KCNK5: variants seen among roughly 807,000 people sequenced by gnomAD.
KCNK5 encodes the protein potassium channel subfamily K member 5.
Under a neutral mutation model 32.9 loss-of-function variants are expected in KCNK5, and 18 were observed. The observed-to-expected ratio is 0.55, with a 90% CI of 0.38 to 0.81. The LOEUF (loss-of-function observed/expected upper bound fraction) is 0.81. Among genes scored for constraint, KCNK5 ranks in the 30% least tolerant of loss-of-function variants. The pLI is 0.00. For synonymous variants in KCNK5, 276 were observed against 275.3 expected, an observed-to-expected ratio of 1.00 and a Z score of -0.03; for missense variants, 507 against 651.0, an observed-to-expected ratio of 0.78 and a Z score of 2.41.
Position 39,194,342 on chromosome 6 carries a change from T to C in KCNK5, c.466-5A>G. On this transcript the variant is annotated splice_region_variant and splice_polypyrimidine_tract_variant and intron_variant, in intron 3 of 4. Transcript: ENST00000359534. This position sits in a 1 kb window ranked among gnomAD's most constrained non-coding sequence, Gnocchi z 4.7. ...GCACGTGATCTGCGCCTTCCGCTGATGGGGAGCAGGAGGCCAAGTCAGAGA... is the reference window on the plus strand; with the variant it reads ...GCACGTGATCTGCGCCTTCCGCTGACGGGGAGCAGGAGGCCAAGTCAGAGA... 1 of 1,596,370 alleles carries C rather than the reference T, an allele frequency of 6.3e-7. No homozygotes were observed.
intron 1 of KCNK5, among the ~76,000 whole-genome samples, chr6:39,220,669 G>A (rs1771529740): frequency 6.6e-6 from 1 of 152,174 alleles, no homozygotes; most frequent in Admixed American, 6.5e-5. Flanking sequence ...GACTCCAGTA[G>A]GAGAAACTTG....
chr6:39,191,533 T>C lies in KCNK5; in HGVS notation c.857A>G (p.Lys286Arg), dbSNP rs1337598125. ...ALQVKGSTAS[K>R]DVNIFSFLSK... ...AAGAAAGCTGAAGATGTTGACGTCC[T>C]TGGAGGCTGTGCTCCCCTTCACCTG... The change falls in exon 5 of 5, where the codon AAG becomes AGG. Residue 286 changes from lysine to arginine, a missense_variant. Around this residue, in one of 6 missense-constraint regions of KCNK5, gnomAD observed 42 missense variants for 35.3 expected, o/e 1.19. Coordinates refer to ENST00000359534, the MANE Select transcript of KCNK5 (RefSeq NM_003740.4). The surrounding 1 kb of genome is among the most constrained non-coding windows in gnomAD (Gnocchi z 5.8). The C allele has an allele frequency of 6.2e-7, 1 of 1,613,988 alleles. No homozygotes were observed. Among genetic ancestry groups the C allele is most frequent in the Non-Finnish European group, 8.5e-7 (1 of 1,180,028 alleles).
intron 1 of KCNK5, among the ~76,000 whole-genome samples, chr6:39,198,839 A>T (rs1414026256): frequency 6.6e-6 from 1 of 152,196 alleles, no homozygotes; most frequent in African/African-American, 2.4e-5. Flanking sequence ...TTGGATAATG[A>T]GTCTACAAAG....
intron 1 of KCNK5, among the ~76,000 whole-genome samples, chr6:39,223,953 C>A (rs773133717): frequency 3.3e-5 from 5 of 152,170 alleles, no homozygotes; most frequent in Non-Finnish European, 5.9e-5. Context: ...TTTCTACCCT[C>A]AATAATTCTC....
At chr6:39,213,975 G>A (rs1329311136) in intron 1 of KCNK5, among the ~76,000 whole-genome samples, 2 of 151,860 alleles carry the variant, frequency 1.3e-5, no homozygotes, top group African/African-American at 4.8e-5. Flanking sequence ...GCAGTGAGCC[G>A]AGATCGCACC....
chr6:39,216,981 T>C (rs1319990500), intron 1 of KCNK5, among the ~76,000 whole-genome samples: 1 of 150,562 alleles, frequency 6.6e-6, no homozygotes, highest in Non-Finnish European at 1.5e-5. Flanking sequence ...CTTAGCTGGG[T>C]GTGGTGGCAC....
Position 39,229,055 on chromosome 6 carries a change from C to G in KCNK5, c.57G>C (p.Gly19=), listed in dbSNP as rs546606815. ...CCTCCAGCACTTCGAAGATCGCCGC[C>G]CCGATGGCCAGGTAGAAGATGATGG... The part of the protein sequence containing the change: ...TSAIIFYLAI[G]AAIFEVLEEP... The change falls in exon 1 of 5, where the codon GGG becomes GGC. Residue 19 remains glycine, a synonymous_variant. Coordinates refer to ENST00000359534, the MANE Select transcript of KCNK5 (RefSeq NM_003740.4). 5 of 1,614,162 alleles carry G rather than the reference C, an allele frequency of 3.1e-6. No homozygotes were observed. The South Asian group carries it at 5.5e-5, about 18-fold the overall frequency.
At position 39,191,558 on chromosome 6, in the gene KCNK5, G is replaced by T; in HGVS notation, c.832C>A (p.Gln278Lys). 2 of 1,613,990 alleles carry T rather than the reference G, an allele frequency of 1.2e-6. No homozygotes were observed. The highest frequency in any genetic ancestry group is 1.3e-5 in the African/African-American group (1 of 75,018). Residue 278 changes from glutamine (Q) to lysine (K), a missense_variant, in exon 5 of 5, where the codon CAG becomes AAG. Physicochemically the swap from Gln to Lys is moderately conservative, Grantham distance 53 (BLOSUM62 1). This residue lies in a region of KCNK5 where 42 missense variants were observed against 35.3 expected (regional missense o/e 1.19). Transcript: ENST00000359534. This position sits in a 1 kb window ranked among gnomAD's most constrained non-coding sequence, Gnocchi z 5.8. The stretch of plus-strand genomic sequence containing the variant: ...TTGGAGGCTGTGCTCCCCTTCACCT[G>T]CAGGGCCTTCCGGGAGTGTGGGGAG... ...ESSPHSRKAL[Q>K]VKGSTASKDV...
At position 39,194,107 on chromosome 6, in the gene KCNK5, G is replaced by A. The variant is rs1444698397; in HGVS notation, c.634+62C>T. On this transcript the variant is annotated intron_variant, in intron 4 of 4. Transcript: ENST00000359534. This position sits in a 1 kb window ranked among gnomAD's most constrained non-coding sequence, Gnocchi z 4.7. ...CCCTACCTAGGGCACCCCCAACATA[G>A]GTCTGTTGCACTGAAACCAAAGAAG... is the stretch of plus-strand genomic sequence containing the variant. 15 of 1,581,008 alleles carry A rather than the reference G, an allele frequency of 9.5e-6. No homozygotes were observed. Among genetic ancestry groups the A allele is most frequent in the Non-Finnish European group, 1.2e-5 (14 of 1,150,642 alleles).
intron 1 of KCNK5, among the ~76,000 whole-genome samples, chr6:39,204,494 T>A (rs2113786468): frequency 6.6e-6 from 1 of 152,296 alleles, no homozygotes; most frequent in Admixed American, 6.5e-5. Flanking sequence ...AGGACTTAGC[T>A]CATCAGTCAC....
At chr6:39,193,479 C>T (rs1770976690) in intron 4 of KCNK5, among the ~76,000 whole-genome samples, 1 of 152,216 alleles carries the variant, frequency 6.6e-6, no homozygotes, top group African/African-American at 2.4e-5. Flanking sequence ...GGTGGGTCAA[C>T]AGGGTCAAAC....
chr6:39,228,469 A>G (rs1238345327), intron 1 of KCNK5, among the ~76,000 whole-genome samples: 1 of 152,146 alleles, frequency 6.6e-6, no homozygotes, highest in Non-Finnish European at 1.5e-5. Context: ...TGCCGGGTTC[A>G]CGTTCCTTAA....
chr6:39,200,642 C>T (rs1771120065), intron 1 of KCNK5, among the ~76,000 whole-genome samples: 1 of 152,146 alleles, frequency 6.6e-6, no homozygotes, highest in Non-Finnish European at 1.5e-5. Context: ...TTCCCACCAG[C>T]TGAAAAAACA....
chr6:39,220,961 C>A (rs1446338762), intron 1 of KCNK5, among the ~76,000 whole-genome samples: 1 of 152,228 alleles, frequency 6.6e-6, no homozygotes, highest in Non-Finnish European at 1.5e-5. Context: ...TAGCCCCATG[C>A]ACCCTAAGAC....
chr6:39,219,474 A>T (rs1172055590), intron 1 of KCNK5, among the ~76,000 whole-genome samples: 1 of 152,124 alleles, frequency 6.6e-6, no homozygotes, highest in Non-Finnish European at 1.5e-5. Flanking sequence ...CCCAGGTGTG[A>T]CTTGAATACC....
chr6:39,214,088 C>T (rs1771388783), intron 1 of KCNK5, among the ~76,000 whole-genome samples: 2 of 152,190 alleles, frequency 1.3e-5, no homozygotes, highest in South Asian at 2.1e-4. Context: ...GAGGGTTTGA[C>T]CATATGCAGC....
chr6:39,229,164 C>T lies in KCNK5; in HGVS notation c.-53G>A, dbSNP rs569691647. 7.5e-5 allele frequency: 119 copies of T among 1,576,676 alleles called. 1 individual carries two copies. In the South Asian group the frequency reaches 1.2e-3, roughly 16 times the overall value. On this transcript the variant is annotated 5_prime_UTR_variant, in exon 1 of 5. The change creates a premature stop within an existing upstream ORF in the 5' untranslated region. Transcript: ENST00000359534. Reference sequence around the variant, plus strand: ...AAGCCTCTCCTAGCCCCAGCTGCTACCAGTCCGCCCGCCCTCCAGCCTCTG... The same window carrying T: ...AAGCCTCTCCTAGCCCCAGCTGCTATCAGTCCGCCCGCCCTCCAGCCTCTG...
At position 39,229,175 on chromosome 6, in the gene KCNK5, G is replaced by A; in HGVS notation, c.-64C>T. ...AGCCCCAGCTGCTACCAGTCCGCCCGCCCTCCAGCCTCTGAAAACAGCTGT... is the reference window on the plus strand; with the variant it reads ...AGCCCCAGCTGCTACCAGTCCGCCCACCCTCCAGCCTCTGAAAACAGCTGT... On this transcript the variant is annotated 5_prime_UTR_variant, in exon 1 of 5. Coordinates refer to ENST00000359534, the MANE Select transcript of KCNK5 (RefSeq NM_003740.4). The A allele has an allele frequency of 6.5e-6, 10 of 1,530,868 alleles. No homozygotes were observed. Among genetic ancestry groups the A allele is most frequent in the South Asian group, 1.1e-5 (1 of 87,442 alleles). The allele number at this position is 1,530,868 out of a possible 1,614,324, so 94.8% of individuals were successfully genotyped here.
intron 1 of KCNK5, among the ~76,000 whole-genome samples, chr6:39,203,556 C>T (rs1043018544): frequency 5.9e-5 from 9 of 152,206 alleles, no homozygotes; most frequent in Non-Finnish European, 1.0e-4. Flanking sequence ...CCCTGGCAGC[C>T]GCCAGTACCT....
Sources: allele counts gnomAD v4.1 joint callset (sites outside exome capture counted in the v4.1 genomes callset), GRCh38; gene constraint gnomAD v4.1.1; regional missense constraint gnomAD v4.1.1; non-coding constraint Gnocchi (gnomAD v3.1); transcripts MANE v1.5; gene names NCBI Gene and HGNC (gene_info 2026-07-23, HGNC 2026-07-21).